CTDSPL2: variants seen among roughly 807,000 people sequenced by gnomAD.
CTDSPL2 encodes CTD small phosphatase like 2.
In CTDSPL2, 5 loss-of-function variants were observed where a neutral mutation model predicts 60.0. The observed-to-expected ratio is 0.08, with a 90% CI of 0.04 to 0.18. CTDSPL2 has a LOEUF of 0.18. Among genes scored for constraint, CTDSPL2 ranks in the 10% least tolerant of loss-of-function variants. CTDSPL2 has a pLI of 1.00. For synonymous variants in CTDSPL2, 186 were observed against 189.3 expected (o/e 0.98, Z 0.14); for missense variants, 370 against 548.8 (o/e 0.67, Z 3.26).
At chr15:44,481,749 T>A (rs1003859552) in intron 2 of CTDSPL2, among the ~76,000 whole-genome samples, 2 of 152,140 alleles carry the variant, frequency 1.3e-5, no homozygotes, top group African/African-American at 4.8e-5. Context: ...AATTTTGTAT[T>A]TTTAGTAGAG....
intron 8 of CTDSPL2, among the ~76,000 whole-genome samples, chr15:44,504,842 A>G (rs1382797334): frequency 2.0e-5 from 3 of 152,212 alleles, no homozygotes; most frequent in Non-Finnish European, 4.4e-5. Context: ...GTTGCATAGT[A>G]TAGAGGATAA....
Position 44,524,230 on chromosome 15 carries a change from T to G in CTDSPL2, c.*56T>G. 1.4e-6 allele frequency: 2 copies of G among 1,448,562 alleles called. No homozygotes were observed. The highest frequency in any genetic ancestry group is 2.3e-5 in the East Asian group (1 of 44,116). 89.7% of individuals were successfully genotyped at this position (1,448,562 alleles called of 1,614,324 possible). ...GAGAGAATGCAGGACCCTTTTGGAC[T>G]AAGACAAAAACATTGCCATTACTGT... On this transcript the variant is annotated 3_prime_UTR_variant, in exon 13 of 13. Coordinates refer to ENST00000260327, the MANE Select transcript of CTDSPL2 (RefSeq NM_016396.3).
chr15:44,490,002 A>G (rs554345955), intron 4 of CTDSPL2, among the ~76,000 whole-genome samples: 2 of 152,232 alleles, frequency 1.3e-5, no homozygotes, highest in Non-Finnish European at 2.9e-5. Flanking sequence ...AAAGAGGTTA[A>G]ACTTAAAGCA....
At chr15:44,508,579 A>G (rs1336758390) in intron 8 of CTDSPL2, among the ~76,000 whole-genome samples, 1 of 152,250 alleles carries the variant, frequency 6.6e-6, no homozygotes, top group East Asian at 1.9e-4. Flanking sequence ...ACAATGTAGC[A>G]ATAGGTTGGA....
chr15:44,477,341 T>C (rs189491249), intron 2 of CTDSPL2, among the ~76,000 whole-genome samples: 1 of 152,124 alleles, frequency 6.6e-6, no homozygotes, highest in Non-Finnish European at 1.5e-5. Flanking sequence ...CAGACCAGCC[T>C]GGGCAACATA....
chr15:44,437,848 A>G (rs548314793), intron 1 of CTDSPL2, among the ~76,000 whole-genome samples: 10 of 152,250 alleles, frequency 6.6e-5, no homozygotes, highest in Admixed American at 1.3e-4. Context: ...TTACTTATAC[A>G]TGATACTTGG....
chr15:44,519,353 C>T lies in CTDSPL2; in HGVS notation c.1239+58C>T, dbSNP rs565755165. 5 of 1,361,486 alleles carry T rather than the reference C, an allele frequency of 3.7e-6. No individual in the cohort carries two copies. In the African/African-American group the frequency reaches 7.6e-5, roughly 21 times the overall value. 84.3% of individuals were successfully genotyped at this position (1,361,486 alleles called of 1,614,324 possible). A position where few individuals can be genotyped will look rare whatever the true frequency, so the allele number is the denominator to read the frequency against. ...GGAAAAAATACAATGAAGACACATG[C>T]TGCCAAACAGAATATGATGGGAGAA... On this transcript the variant is annotated intron_variant, in intron 11 of 12. Transcript: ENST00000260327.
intron 8 of CTDSPL2, among the ~76,000 whole-genome samples, chr15:44,506,094 A>G (rs1046155480): frequency 1.5e-5 from 2 of 132,000 alleles, no homozygotes; most frequent in African/African-American, 5.8e-5. Flanking sequence ...CAATGGCGCT[A>G]TCTTGGCTCA....
intron 8 of CTDSPL2, among the ~76,000 whole-genome samples, chr15:44,510,009 C>T (rs1358054880): frequency 6.7e-6 from 1 of 148,974 alleles, no homozygotes; most frequent in Non-Finnish European, 1.5e-5. Flanking sequence ...TTTTTTGAGA[C>T]GGAGTCTCAC....
chr15:44,456,351 G>A lies in CTDSPL2; in HGVS notation c.-24-2640G>A, dbSNP rs559116766. 3.3e-5 allele frequency among the ~76,000 whole-genome samples: 5 copies of A among 152,272 alleles called. No individual in the cohort carries two copies. The South Asian group carries it at 6.2e-4, about 19-fold the overall frequency. On this transcript the variant is annotated intron_variant, in intron 1 of 12. Coordinates refer to ENST00000260327, the MANE Select transcript of CTDSPL2 (RefSeq NM_016396.3). ...CTACTTGTACCTCTGGTAGAATTCC[G>A]CTGTGAATCCATCTGGTCCTGGACT...
chr15:44,488,167 G>A (rs780191229), intron 4 of CTDSPL2, among the ~76,000 whole-genome samples: 44 of 151,976 alleles, frequency 2.9e-4, no homozygotes, highest in African/African-American at 8.7e-4. Context: ...TAGGCAGAGC[G>A]GCCTGAAAGG....
intron 8 of CTDSPL2, among the ~76,000 whole-genome samples, chr15:44,500,951 A>G (rs74009189): frequency 0.028 from 4,228 of 152,244 alleles, 201 homozygotes; most frequent in African/African-American, 0.097. Context: ...GGTAAGCAAA[A>G]TGTACATAAA....
At chr15:44,434,881 G>T (rs2141261120) in intron 1 of CTDSPL2, among the ~76,000 whole-genome samples, 1 of 152,192 alleles carries the variant, frequency 6.6e-6, no homozygotes, top group East Asian at 1.9e-4. Flanking sequence ...TAGCTAAATG[G>T]AAAAGCAGAG....
At chr15:44,490,662 C>A in intron 4 of CTDSPL2, 122 bp from the exon 5 acceptor site, 1 of 707,564 alleles carries the variant, frequency 1.4e-6, no homozygotes, top group Admixed American at 2.5e-5. Context: ...AAGCAATATA[C>A]TCAGCTTTGT....
intron 1 of CTDSPL2, among the ~76,000 whole-genome samples, chr15:44,446,716 AAGAG>A (rs1214667052): frequency 2.0e-5 from 3 of 150,516 alleles, no homozygotes; most frequent in Non-Finnish European, 3.0e-5. Flanking sequence ...AAAAAAAAAA[AAGAG>A]AGAAAGAGAA....
intron 2 of CTDSPL2, among the ~76,000 whole-genome samples, chr15:44,477,745 G>T (rs1030715305): frequency 2.0e-5 from 3 of 151,958 alleles, no homozygotes; most frequent in Non-Finnish European, 4.4e-5. Flanking sequence ...GGCTGAGGCA[G>T]GAGAATCACT....
rs1205546019 is a variant in CTDSPL2, at chr15:44,527,912, T to C, written c.*3738T>C. The stretch of plus-strand genomic sequence containing the variant: ...TGTCATTACTTCTCATGTCTTCCCC[T>C]GAGTTGAAAGCCTACGACAAACATG... On this transcript the variant is annotated 3_prime_UTR_variant, in exon 13 of 13. Transcript: ENST00000260327. 6.6e-6 allele frequency: 1 copy of C among 152,210 alleles called. No homozygotes were observed. Among genetic ancestry groups the C allele is most frequent in the Non-Finnish European group, 1.5e-5 (1 of 68,022 alleles). The allele number at this position is 152,210 out of a possible 1,614,324, so 9.4% of individuals were successfully genotyped here.
At chr15:44,480,660 C>G (rs866847481) in intron 2 of CTDSPL2, among the ~76,000 whole-genome samples, 10 of 152,110 alleles carry the variant, frequency 6.6e-5, no homozygotes, top group Admixed American at 1.3e-4. Context: ...TAGCGAGACC[C>G]TGTCTCTACA....
chr15:44,484,866 T>TA (rs1303959516), intron 3 of CTDSPL2, among the ~76,000 whole-genome samples: 6 of 152,228 alleles, frequency 3.9e-5, no homozygotes, highest in African/African-American at 1.4e-4. Flanking sequence ...TAAGTAAAGA[T>TA]AGAGTATATA....
Sources: gnomAD v4.1 joint callset for allele counts (sites outside exome capture counted in the v4.1 genomes callset) on GRCh38, gnomAD v4.1.1 for gene constraint, MANE v1.5 for transcripts, NCBI Gene and HGNC (gene_info 2026-07-23, HGNC 2026-07-21) for gene names.